CCDC148: variants seen among roughly 807,000 people sequenced by gnomAD.
CCDC148 encodes the protein coiled-coil domain-containing protein 148.
A neutral mutation model predicts 85.7 loss-of-function variants in CCDC148; 89 were observed. The observed-to-expected ratio is 1.04, with a 90% confidence interval of 0.87 to 1.24. The LOEUF is 1.24. CCDC148 is among the 50% of genes most tolerant of loss of function. CCDC148 has a pLI of 0.00. For missense variants in CCDC148, 692 were observed against 671.7 expected (o/e 1.03, Z -0.33); for synonymous variants, 230 against 213.9 (o/e 1.08, Z -0.66).
intron 1 of CCDC148, among the ~76,000 whole-genome samples, chr2:158,360,757 ACG>A (rs2105269312): frequency 6.6e-6 from 1 of 152,198 alleles, no homozygotes; most frequent in Admixed American, 6.5e-5. Flanking sequence ...AAAAACCAGT[ACG>A]CCTCTTCCAC....
chr2:158,400,226 A>C lies in CCDC148; in HGVS notation c.26-41656T>G, dbSNP rs1685715342. 1.3e-5 allele frequency among the ~76,000 whole-genome samples: 2 copies of C among 152,186 alleles called. 1 individual carries two copies. Among genetic ancestry groups the C allele is most frequent in the South Asian group, 4.1e-4 (2 of 4,828 alleles). Reference sequence around the variant, plus strand: ...TAAACTACTTCAAAGTTCATATGAAACCAAAAAAGAGCCCACATAGCCAAG... The same window carrying C: ...TAAACTACTTCAAAGTTCATATGAACCCAAAAAAGAGCCCACATAGCCAAG... On this transcript the variant is annotated intron_variant, in intron 1 of 13. Coordinates refer to ENST00000283233, the MANE Select transcript of CCDC148 (RefSeq NM_138803.4).
chr2:158,272,722 C>T (rs1014768727), intron 9 of CCDC148, among the ~76,000 whole-genome samples: 1 of 152,156 alleles, frequency 6.6e-6, no homozygotes, highest in Non-Finnish European at 1.5e-5. Flanking sequence ...ATCCACTCAA[C>T]GTTCAAGAAG....
chr2:158,182,619 G>C (rs1684958263), intron 11 of CCDC148, among the ~76,000 whole-genome samples: 1 of 152,116 alleles, frequency 6.6e-6, no homozygotes, highest in Non-Finnish European at 1.5e-5. Flanking sequence ...GACCACAGTT[G>C]CATTGGCTCC....
intron 7 of CCDC148, among the ~76,000 whole-genome samples, chr2:158,331,311 G>A (rs534363450): frequency 6.8e-4 from 103 of 152,278 alleles, no homozygotes; most frequent in African/African-American, 2.4e-3. Flanking sequence ...ATGTAGTTGA[G>A]CAGTTTTGAG....
chr2:158,171,840 T>C lies in CCDC148; in HGVS notation c.*273A>G, dbSNP rs140042097. 19 of 208,448 alleles carry C rather than the reference T, an allele frequency of 9.1e-5. No homozygotes were observed. The highest frequency in any genetic ancestry group is 3.0e-4 in the African/African-American group (13 of 43,524). 12.9% of individuals were successfully genotyped at this position (208,448 alleles called of 1,614,324 possible). On this transcript the variant is annotated 3_prime_UTR_variant, in exon 14 of 14. Coordinates refer to ENST00000283233, the MANE Select transcript of CCDC148 (RefSeq NM_138803.4). ...TTATAGGATAACATAACCTCCAACA[T>C]GTAGTTTACTAAATTATAGTATAAG...
intron 2 of CCDC148, among the ~76,000 whole-genome samples, chr2:158,348,640 G>A (rs1559088060): frequency 6.6e-6 from 1 of 151,844 alleles, no homozygotes; most frequent in Non-Finnish European, 1.5e-5. Flanking sequence ...ATATTTATGG[G>A]TGAAATATTA....
At chr2:158,395,823 C>T (rs530136386) in intron 1 of CCDC148, among the ~76,000 whole-genome samples, 4 of 152,258 alleles carry the variant, frequency 2.6e-5, no homozygotes, top group Non-Finnish European at 5.9e-5. Flanking sequence ...AAATATCTAT[C>T]CTCACATGTC....
chr2:158,328,574 C>T (rs578115688), intron 7 of CCDC148, among the ~76,000 whole-genome samples: 29 of 152,144 alleles, frequency 1.9e-4, no homozygotes, highest in South Asian at 8.3e-4. Flanking sequence ...TTCTAGATCC[C>T]TGAGGAATCG....
chr2:158,359,796 A>G (rs149124970), intron 1 of CCDC148, among the ~76,000 whole-genome samples: 23 of 152,274 alleles, frequency 1.5e-4, no homozygotes, highest in Admixed American at 7.2e-4. Context: ...TTCATACCCT[A>G]GTGGCACCTG....
intron 8 of CCDC148, among the ~76,000 whole-genome samples, chr2:158,310,459 C>G (rs968169400): frequency 6.6e-6 from 1 of 152,118 alleles, no homozygotes; most frequent in Admixed American, 6.5e-5. Context: ...GACAGGGTGG[C>G]GGCCGGGCAG....
intron 7 of CCDC148, among the ~76,000 whole-genome samples, chr2:158,320,741 C>T (rs894495856): frequency 1.3e-5 from 2 of 152,014 alleles, no homozygotes; most frequent in African/African-American, 4.8e-5. Context: ...GATTTCACAC[C>T]CAGTGAAGAA....
chr2:158,432,408 TA>T (rs1559141021), intron 1 of CCDC148, among the ~76,000 whole-genome samples: 1 of 151,924 alleles, frequency 6.6e-6, no homozygotes, highest in East Asian at 1.9e-4. Context: ...AAAGTATGGG[TA>T]AAAAATACAA....
At chr2:158,393,705 A>C (rs1041901147) in intron 1 of CCDC148, among the ~76,000 whole-genome samples, 1 of 152,284 alleles carries the variant, frequency 6.6e-6, no homozygotes, top group South Asian at 2.1e-4. Context: ...AATTAAATAG[A>C]TGAGCTGACA....
chr2:158,388,091 T>C (rs1465188790), intron 1 of CCDC148, among the ~76,000 whole-genome samples: 1 of 152,188 alleles, frequency 6.6e-6, no homozygotes, highest in Non-Finnish European at 1.5e-5. Flanking sequence ...ATATGGATAA[T>C]GCACATCAAC....
At chr2:158,382,367 G>T (rs558853192) in intron 1 of CCDC148, among the ~76,000 whole-genome samples, 13 of 152,270 alleles carry the variant, frequency 8.5e-5, no homozygotes, top group Admixed American at 7.2e-4. Context: ...AGGGCTGAGA[G>T]GGAAAGTGAG....
intron 11 of CCDC148, among the ~76,000 whole-genome samples, chr2:158,212,053 A>G (rs1195803089): frequency 2.0e-5 from 3 of 152,232 alleles, no homozygotes; most frequent in African/African-American, 4.8e-5. Flanking sequence ...TTGGCCACCA[A>G]TGAGGTTTCT....
chr2:158,352,535 A>G (rs1273740691), intron 2 of CCDC148, among the ~76,000 whole-genome samples: 1 of 152,014 alleles, frequency 6.6e-6, no homozygotes, highest in African/African-American at 2.4e-5. Flanking sequence ...AAAAAAGAAT[A>G]AAAAGAAATG....
chr2:158,266,017 C>T (rs1240933478), intron 9 of CCDC148, among the ~76,000 whole-genome samples: 1 of 152,194 alleles, frequency 6.6e-6, no homozygotes, highest in Non-Finnish European at 1.5e-5. Context: ...CTTTCCTAGA[C>T]TGGCAATTAT....
chr2:158,421,070 G>A (rs1452705056), intron 1 of CCDC148, among the ~76,000 whole-genome samples: 1 of 152,150 alleles, frequency 6.6e-6, no homozygotes, highest in Non-Finnish European at 1.5e-5. Flanking sequence ...CAATACAGGA[G>A]CACCCAGATT....
Sources: gnomAD v4.1 joint callset for allele counts (sites outside exome capture counted in the v4.1 genomes callset) on GRCh38, gnomAD v4.1.1 for gene constraint, MANE v1.5 for transcripts, NCBI Gene and HGNC (gene_info 2026-07-23, HGNC 2026-07-21) for gene names.